TMEM17: variants seen among roughly 807,000 people sequenced by gnomAD.
The protein encoded by TMEM17 is transmembrane protein 17.
A neutral mutation model predicts 19.1 loss-of-function variants in TMEM17; 15 were observed. The ratio of observed to expected loss-of-function variants is 0.78; its 90% CI spans 0.52 to 1.21. TMEM17 has a LOEUF of 1.21. Ranked by LOEUF, TMEM17 falls within the 50% of genes most tolerant of loss-of-function variation. The probability of loss-of-function intolerance (pLI) is 0.00; values close to 1 mark genes in which losing one functional copy is unlikely to be tolerated. For synonymous variants in TMEM17, 103 were observed against 86.9 expected, an observed-to-expected ratio of 1.19 and a Z score of -1.03; for missense variants, 245 against 242.3, an observed-to-expected ratio of 1.01 and a Z score of -0.07.
At chr2:62,491,477 A>C in the TMEM17 span, 1 of 152,722 alleles carries the variant, frequency 6.5e-6, no homozygotes, top group Non-Finnish European at 1.5e-5. Context: ...CTATTTAAAA[A>C]ACAAACAAAC....
At chr2:62,464,421 G>C in the TMEM17 span, among the ~76,000 whole-genome samples, 9 of 152,222 alleles carry the variant, frequency 5.9e-5, no homozygotes, top group African/African-American at 1.2e-4. Context: ...GAGGAGTTGA[G>C]CGCAGCGGGC....
At chr2:62,461,589 G>T in the TMEM17 span, among the ~76,000 whole-genome samples, 1 of 152,168 alleles carries the variant, frequency 6.6e-6, no homozygotes, top group Non-Finnish European at 1.5e-5. Flanking sequence ...CCCCGGAGAT[G>T]GCCAAGTTCC....
rs1679911615 is a variant in TMEM17, at chr2:62,500,978, A to C, written c.*231T>G. 3.8e-6 allele frequency: 1 copy of C among 266,386 alleles called. No homozygotes were observed. The highest frequency in any genetic ancestry group is 6.4e-6 in the Non-Finnish European group (1 of 155,214). The allele number at this position is 266,386 out of a possible 1,614,324, so 16.5% of individuals were successfully genotyped here. A position where few individuals can be genotyped will look rare whatever the true frequency, so the allele number is the denominator to read the frequency against. On this transcript the variant is annotated 3_prime_UTR_variant, in exon 4 of 4. Transcript: ENST00000335390. ...CACTCCTGAAAAAGACAACAACATCAAAAAAAATTAAGAAATTTGGCATCA... is the reference window on the plus strand; with the variant it reads ...CACTCCTGAAAAAGACAACAACATCCAAAAAAATTAAGAAATTTGGCATCA...
chr2:62,477,597 C>T, the TMEM17 span, among the ~76,000 whole-genome samples: 1 of 152,302 alleles, frequency 6.6e-6, no homozygotes, highest in East Asian at 1.9e-4. Context: ...ATAGAGAAAG[C>T]AAAAGACATG....
At chr2:62,473,389 A>G in the TMEM17 span, among the ~76,000 whole-genome samples, 2 of 152,310 alleles carry the variant, frequency 1.3e-5, no homozygotes, top group East Asian at 3.9e-4. Flanking sequence ...AGGTGAGAAC[A>G]TAGTAGAGAC....
downstream of TMEM17, among the ~76,000 whole-genome samples, chr2:62,499,672 C>G (rs561381443): frequency 7.2e-5 from 11 of 152,140 alleles, no homozygotes; most frequent in East Asian, 1.9e-3. Flanking sequence ...AAGGCAAAAC[C>G]TGGGAATCCT....
chr2:62,469,119 G>A, the TMEM17 span, among the ~76,000 whole-genome samples: 1 of 152,174 alleles, frequency 6.6e-6, no homozygotes, highest in East Asian at 1.9e-4. Context: ...TTAATTTTTA[G>A]TTAGCATAAA....
At position 62,500,910 on chromosome 2, in the gene TMEM17, C is replaced by T. The variant is rs906570133; in HGVS notation, c.*299G>A. On this transcript the variant is annotated 3_prime_UTR_variant, in exon 4 of 4. Transcript: ENST00000335390. ...TTAAAGATTCTAACCAGAAATGCTA[C>T]GAGAGAGCTGGCAAATGACAACCAC... is the stretch of plus-strand genomic sequence containing the variant. The T allele has an allele frequency of 1.4e-4, 35 of 254,218 alleles. No individual in the cohort carries two copies. The highest frequency in any genetic ancestry group is 8.8e-4 in the Admixed American group (18 of 20,468). The allele number at this position is 254,218 out of a possible 1,614,324, so 15.7% of individuals were successfully genotyped here. A position where few individuals can be genotyped will look rare whatever the true frequency, so the allele number is the denominator to read the frequency against.
downstream of TMEM17, among the ~76,000 whole-genome samples, chr2:62,498,153 G>A (rs1293439311): frequency 6.6e-6 from 1 of 152,076 alleles, no homozygotes; most frequent in Non-Finnish European, 1.5e-5. Context: ...GGGAGGCTGA[G>A]GCGGGTGGAT....
chr2:62,490,581 A>T, the TMEM17 span, among the ~76,000 whole-genome samples: 3 of 152,200 alleles, frequency 2.0e-5, no homozygotes, highest in African/African-American at 7.2e-5. Context: ...ACCTTATTAT[A>T]AATACTGAAG....
At chr2:62,466,694 G>A in the TMEM17 span, among the ~76,000 whole-genome samples, 1 of 152,186 alleles carries the variant, frequency 6.6e-6, no homozygotes, top group Admixed American at 6.5e-5. Flanking sequence ...AGACCAACTG[G>A]AGGACCTGGG....
the TMEM17 span, among the ~76,000 whole-genome samples, chr2:62,494,323 C>T: frequency 0.051 from 7,730 of 152,112 alleles, 270 homozygotes; most frequent in South Asian, 0.12. Flanking sequence ...GCTTATTGAC[C>T]ACTGGGAGCA....
the TMEM17 span, among the ~76,000 whole-genome samples, chr2:62,478,911 G>A: frequency 6.6e-6 from 1 of 152,100 alleles, no homozygotes; most frequent in Non-Finnish European, 1.5e-5. Flanking sequence ...GAGATTGGGG[G>A]GAGTTTAGAA....
rs991028388 is a variant in TMEM17, at chr2:62,500,342, C to T, written c.*867G>A. ...TATAACAAAAATATTTCCTAAATAC[C>T]AAGGCAATCCACCTGTTTTCTTCTT... is the stretch of plus-strand genomic sequence containing the variant. On this transcript the variant is annotated 3_prime_UTR_variant, in exon 4 of 4. Transcript: ENST00000335390. 5 of 152,110 alleles carry T rather than the reference C, an allele frequency of 3.3e-5. No individual in the cohort carries two copies. The South Asian group carries it at 8.3e-4, about 25-fold the overall frequency. 9.4% of individuals were successfully genotyped at this position (152,110 alleles called of 1,614,324 possible).
the TMEM17 span, among the ~76,000 whole-genome samples, chr2:62,467,926 G>T: frequency 0.011 from 1,671 of 146,210 alleles, 35 homozygotes; most frequent in African/African-American, 0.04. Flanking sequence ...GATGCGAATT[G>T]TGAAACCAAG....
At chr2:62,473,953 T>C in the TMEM17 span, among the ~76,000 whole-genome samples, 1,382 of 152,178 alleles carry the variant, frequency 9.1e-3, 20 homozygotes, top group African/African-American at 0.032. Context: ...GTGAGTCTCC[T>C]GAACAGAGAC....
At chr2:62,496,075 C>T (rs1249404747), downstream of TMEM17, among the ~76,000 whole-genome samples, 2 of 138,908 alleles carry the variant, frequency 1.4e-5, no homozygotes, top group Admixed American at 7.4e-5. Flanking sequence ...TCTCCTTTCA[C>T]AGCTTTTAGA....
At chr2:62,462,451 C>T in the TMEM17 span, among the ~76,000 whole-genome samples, 8 of 152,162 alleles carry the variant, frequency 5.3e-5, no homozygotes, top group Middle Eastern at 3.4e-3. Flanking sequence ...ACCCATAGGC[C>T]GCAGGGAAGA....
the TMEM17 span, among the ~76,000 whole-genome samples, chr2:62,485,920 C>T: frequency 8.5e-5 from 13 of 152,134 alleles, no homozygotes; most frequent in South Asian, 2.1e-4. Flanking sequence ...AAGATTTGCA[C>T]GGAATTGACC....
Sources: allele counts gnomAD v4.1 joint callset (sites outside exome capture counted in the v4.1 genomes callset), GRCh38; gene constraint gnomAD v4.1.1; transcripts MANE v1.5; gene names NCBI Gene and HGNC (gene_info 2026-07-23, HGNC 2026-07-21).